The following INF2 variants were observed in gnomAD, a reference collection of about 807,000 sequenced individuals.
The protein encoded by INF2 is inverted formin-2.
Under a neutral mutation model 123.5 loss-of-function variants are expected in INF2, and 43 were observed. The observed-to-expected ratio is 0.35, with a 90% CI of 0.27 to 0.45. The LOEUF (loss-of-function observed/expected upper bound fraction) is 0.45, where lower values mean the gene tolerates loss of function less well. Among genes scored for constraint, INF2 ranks in the 20% least tolerant of loss-of-function variants. The pLI, the probability that INF2 is intolerant of heterozygous loss-of-function variation, is 1.00. For missense variants in INF2, 1,453 were observed against 1,682.7 expected (o/e 0.86, Z 2.39); for synonymous variants, 851 against 745.0 (o/e 1.14, Z -2.32).
In INF2 at chr14:104,714,747, G is replaced by A. The variant is rs569502255; in HGVS notation, c.3585G>A (p.Glu1195=). 120 of 1,601,616 alleles carry A rather than the reference G, an allele frequency of 7.5e-5. 1 individual carries two copies. In the South Asian group the frequency reaches 1.2e-3, roughly 17 times the overall value. The change falls in exon 21 of 23, where the codon GAG becomes GAA. Residue 1195 remains glutamate, a synonymous_variant. Coordinates refer to ENST00000392634, the MANE Select transcript of INF2 (RefSeq NM_022489.4). ...LDTSLDKSFS[E]DAVTDSSGSG... ...CATCCCTGGACAAGTCCTTCTCCGA[G>A]GATGCGGTGACCGACTCCTCGGGGT...
In INF2 at chr14:104,682,745, C is replaced by T. The variant is rs545990371; in HGVS notation, c.-104+1163C>T. Among the ~76,000 whole-genome samples the T allele has an allele frequency of 2.6e-5, 4 of 152,278 alleles. No homozygotes were observed. In the East Asian group the frequency reaches 7.7e-4, roughly 29 times the overall value. On this transcript the variant is annotated intron_variant, in intron 1 of 2. Coordinates refer to the INF2 transcript ENST00000674723. ...ATTTACCCTAACTCAGGAATGCTCA[C>T]CGTGAAACCAAGCCCTCACCTAGGG... is the stretch of plus-strand genomic sequence containing the variant.
chr14:104,700,814 C>T (rs913720420), intron 1 of INF2: 2 of 985,034 alleles, frequency 2.0e-6, no homozygotes, highest in Admixed American at 1.2e-4. Flanking sequence ...GGAGTCGCCC[C>T]TCCTCCCCAG....
At chr14:104,700,851 C>T (rs1448171725) in intron 1 of INF2, 1 of 985,234 alleles carries the variant, frequency 1.0e-6, no homozygotes, top group Non-Finnish European at 1.2e-6. Context: ...GTGGGCACCC[C>T]AGGCATGCCT....
rs1376353432 is a variant in INF2 at position 104,684,281 on chromosome 14, C to T, written c.-104+2699C>T. 3 of 383,230 alleles carry T rather than the reference C, an allele frequency of 7.8e-6. No individual in the cohort carries two copies. The highest frequency in any genetic ancestry group is 2.1e-5 in the African/African-American group (1 of 47,860). The allele number at this position is 383,230 out of a possible 1,614,324, so 23.7% of individuals were successfully genotyped here. A position where few individuals can be genotyped will look rare whatever the true frequency, so the allele number is the denominator to read the frequency against. ...TGGAGGTCAGCAGGGAGGTGGACTG[C>T]GTCTCCCGAGGGCCAGCACTGGCTT... On this transcript the variant is annotated intron_variant, in intron 1 of 2. Coordinates refer to the INF2 transcript ENST00000674723. The surrounding 1 kb of genome is among the most constrained non-coding windows in gnomAD (Gnocchi z 5.0).
At chr14:104,689,781 A>C in intron 1 of INF2, 42 bp downstream of exon 1, 1 of 975,266 alleles carries the variant, frequency 1.0e-6, no homozygotes, top group Non-Finnish European at 1.2e-6. Context: ...CTTCAGGGGA[A>C]ACTGAGTCCG....
At chr14:104,681,530 C>T (rs1322126966) in exon 1 of INF2, 13 of 1,286,930 alleles carry the variant, frequency 1.0e-5, no homozygotes, top group South Asian at 4.9e-5. Flanking sequence ...GCAAACTCCA[C>T]GTCTTATGAA....
chr14:104,689,587 T>TCCGACCCCCCC, upstream of INF2: 1 of 851,068 alleles, frequency 1.2e-6, no homozygotes, highest in Non-Finnish European at 1.4e-6. Context: ...CACCTCCTCT[T>TCCGACCCCCCC]CCTCCCGCCC....
chr14:104,702,252 G>A (rs914599436), intron 2 of INF2, among the ~76,000 whole-genome samples: 7 of 151,928 alleles, frequency 4.6e-5, no homozygotes, highest in South Asian at 2.1e-4. Flanking sequence ...CTTCCCTAGC[G>A]CCTCCCTCCC....
At chr14:104,715,721 C>T (rs985651783) in intron 22 of INF2, 5 of 521,606 alleles carry the variant, frequency 9.6e-6, no homozygotes, top group Non-Finnish European at 1.8e-5. Context: ...GGTGTCCTGG[C>T]GCTAACTGCA....
intron 16 of INF2, among the ~76,000 whole-genome samples, chr14:104,712,041 G>A (rs1302365463): frequency 1.3e-5 from 2 of 152,076 alleles, no homozygotes; most frequent in African/African-American, 4.8e-5. Context: ...ATGAGGAAAC[G>A]GAGGCCCAGG....
chr14:104,700,406 C>T (rs1474402133), intron 1 of INF2, among the ~76,000 whole-genome samples: 1 of 152,160 alleles, frequency 6.6e-6, no homozygotes, highest in East Asian at 1.9e-4. Context: ...CCAGGCCCGG[C>T]CCCCTAGCTC....
chr14:104,712,756 C>T (rs1357484702), intron 17 of INF2, 72 bp from the exon 18 acceptor site: 4 of 1,513,910 alleles, frequency 2.6e-6, no homozygotes, highest in Middle Eastern at 1.8e-4. Context: ...CACCCTCCCG[C>T]AACTCAGGGC....
intron 1 of INF2, chr14:104,683,934 T>C (rs1016093755): frequency 4.9e-6 from 2 of 410,900 alleles, no homozygotes; most frequent in African/African-American, 4.1e-5. Flanking sequence ...TGGGTTGGGG[T>C]GCGGGTGGGT....
intron 1 of INF2, among the ~76,000 whole-genome samples, chr14:104,683,603 C>G (rs1238671102): frequency 8.0e-6 from 1 of 125,688 alleles, no homozygotes; most frequent in Non-Finnish European, 1.6e-5. Flanking sequence ...TGAAACCCGC[C>G]CCCCTCCCCA....
chr14:104,693,804 C>T (rs1303068339), intron 1 of INF2, among the ~76,000 whole-genome samples: 1 of 152,226 alleles, frequency 6.6e-6, no homozygotes, highest in African/African-American at 2.4e-5. Context: ...TCCTTGCAGG[C>T]CCTGGGACAT....
At chr14:104,695,547 T>G (rs1889148484) in intron 1 of INF2, among the ~76,000 whole-genome samples, 1 of 123,288 alleles carries the variant, frequency 8.1e-6, no homozygotes, top group Non-Finnish European at 1.8e-5. Context: ...CCTCCGCCCT[T>G]CCTGTCCTCC....
rs1214038183 is a variant in INF2 at position 104,707,955 on chromosome 14, G to A, written c.1688G>A (p.Arg563His). 5 of 1,598,668 alleles carry A rather than the reference G, an allele frequency of 3.1e-6. No individual in the cohort carries two copies. The highest frequency in any genetic ancestry group is 1.1e-5 in the South Asian group (1 of 91,086). Residue 563 changes from arginine to histidine, a missense_variant, in exon 8 of 23, where the codon CGC (arginine) becomes CAC (histidine). Physicochemically the swap from Arg to His is conservative, Grantham distance 29. Around this residue, in one of 8 missense-constraint regions of INF2, gnomAD observed 192 missense variants for 274.4 expected, o/e 0.70. Transcript: ENST00000392634. ...CGGCGGGTGAACCCACCCACACTGC[G>A]CATGAAGAAGCTGAACTGGCAGAAG... Reference protein sequence around the residue: ...SHRRVNPPTLRMKKLNWQKLP... With the variant: ...SHRRVNPPTLHMKKLNWQKLP...
intron 5 of INF2, among the ~76,000 whole-genome samples, chr14:104,705,813 G>A (rs1339235604): frequency 6.6e-6 from 1 of 152,236 alleles, no homozygotes; most frequent in Non-Finnish European, 1.5e-5. Context: ...TGGTGACCCG[G>A]GGGCAGCCTG....
chr14:104,682,287 G>C, intron 1 of INF2, among the ~76,000 whole-genome samples: 1 of 152,002 alleles, frequency 6.6e-6, no homozygotes, highest in South Asian at 2.1e-4. Context: ...TGCCCAAGGG[G>C]CTTTAGCGGG....
Sources: allele counts gnomAD v4.1 joint callset (sites outside exome capture counted in the v4.1 genomes callset), GRCh38; gene constraint gnomAD v4.1.1; regional missense constraint gnomAD v4.1.1; non-coding constraint Gnocchi (gnomAD v3.1); transcripts MANE v1.5; gene names NCBI Gene and HGNC (gene_info 2026-07-23, HGNC 2026-07-21).